The following NID2 variants were observed in gnomAD, a reference collection of about 807,000 sequenced individuals.
NID2 encodes nidogen-2.
NID2 carries 83 observed loss-of-function variants against 145.4 expected under a neutral mutation model. That is an observed-to-expected ratio of 0.57 (90% CI 0.48 to 0.69). The LOEUF is 0.69. Among genes scored for constraint, NID2 ranks in the 30% least tolerant of loss-of-function variants. The pLI is 0.00. For missense variants in NID2, 1,807 were observed against 1,765.7 expected (o/e 1.02, Z -0.42); for synonymous variants, 739 against 701.3 (o/e 1.05, Z -0.85).
At chr14:52,062,547 T>A (rs1893049257) in intron 2 of NID2, among the ~76,000 whole-genome samples, 1 of 152,046 alleles carries the variant, frequency 6.6e-6, no homozygotes. Context: ...AAAAATCAAC[T>A]AGGGAAAGAA....
chr14:52,050,150 G>A (rs943791193), intron 5 of NID2, among the ~76,000 whole-genome samples: 1 of 152,164 alleles, frequency 6.6e-6, no homozygotes, highest in African/African-American at 2.4e-5. Context: ...CACTGCCTCA[G>A]CAGGCTTAAG....
At chr14:52,039,840 C>T (rs1366511435) in intron 8 of NID2, among the ~76,000 whole-genome samples, 1 of 152,208 alleles carries the variant, frequency 6.6e-6, no homozygotes, top group African/African-American at 2.4e-5. Flanking sequence ...TATTAAGAGG[C>T]CTTTCCCTAT....
At chr14:52,011,352 C>G (rs903073563) in intron 17 of NID2, among the ~76,000 whole-genome samples, 1 of 152,116 alleles carries the variant, frequency 6.6e-6, no homozygotes, top group Non-Finnish European at 1.5e-5. Context: ...GAAGTGCGCA[C>G]AGTAGGAATC....
chr14:52,015,314 A>T, intron 14 of NID2, 39 bp from the exon 15 acceptor site: 1 of 1,564,348 alleles, frequency 6.4e-7, no homozygotes, highest in Non-Finnish European at 8.7e-7. Flanking sequence ...AAAACCTTTG[A>T]TTGTGAGTCA....
In NID2 at chr14:52,019,248, G is replaced by A; in HGVS notation, c.2841C>T (p.Ala947=). ...CCCCAGGGTAGGCATACTGGGCCTG[G>A]GCATGGCGCTGCTGTTGTTCACAGG... The part of the protein sequence containing the change: ...LTPCEQQQRH[A]QAQYAYPGAR... The change falls in exon 14 of 22, where the codon GCC becomes GCT. Residue 947 remains alanine, a synonymous_variant. Transcript: ENST00000216286. 2 of 1,608,470 alleles carry A rather than the reference G, an allele frequency of 1.2e-6. No homozygotes were observed. Among genetic ancestry groups the A allele is most frequent in the Non-Finnish European group, 1.7e-6 (2 of 1,175,308 alleles).
chr14:52,055,910 C>T (rs1892828134), intron 3 of NID2, among the ~76,000 whole-genome samples: 1 of 150,154 alleles, frequency 6.7e-6, no homozygotes, highest in South Asian at 2.1e-4. Context: ...TTTTTCAGTA[C>T]AATTTGAAAA....
At position 52,011,668 on chromosome 14, in the gene NID2, C is replaced by G; in HGVS notation, c.3436G>C (p.Gly1146Arg). ...LLSLHGSIIVGIDYDCRERMV... is the reference protein window; with the variant it reads ...LLSLHGSIIVRIDYDCRERMV... Reference sequence around the variant, plus strand: ...CTCTCCCGGCAGTCGTAATCAATTCCCACGATTATGGAGCCCTTTGTGCAT... The same window carrying G: ...CTCTCCCGGCAGTCGTAATCAATTCGCACGATTATGGAGCCCTTTGTGCAT... The change falls in exon 17 of 22, where the codon GGA becomes CGA. Residue 1146 changes from glycine to arginine, a missense_variant. By Grantham distance (125) the Gly-to-Arg change is moderately radical. Coordinates refer to ENST00000216286, the MANE Select transcript of NID2 (RefSeq NM_007361.4). 1 of 1,614,156 alleles carries G rather than the reference C, an allele frequency of 6.2e-7. No individual in the cohort carries two copies. Among genetic ancestry groups the G allele is most frequent in the South Asian group, 1.1e-5 (1 of 91,080 alleles).
At chr14:52,066,948 G>A (rs952968314) in intron 2 of NID2, among the ~76,000 whole-genome samples, 4 of 152,126 alleles carry the variant, frequency 2.6e-5, no homozygotes, top group East Asian at 3.9e-4. Context: ...TTTACTTTCC[G>A]CAGGTAGAGA....
chr14:52,029,607 C>T lies in NID2; in HGVS notation c.2341G>A (p.Gly781Ser). ...DTTARCHPGT[G>S]VDYTCECASG... ...GCGCACTCACAGGTGTAATCTACAC[C>T]TGTCCCTGGATGGCACCGTGCTGTT... Residue 781 changes from glycine (G) to serine (S), a missense_variant, in exon 10 of 22, where the codon GGT (glycine) becomes AGT (serine). Gly to Ser is a moderately conservative substitution (Grantham distance 56). Transcript: ENST00000216286. 1 of 1,614,166 alleles carries T rather than the reference C, an allele frequency of 6.2e-7. No homozygotes were observed.
At position 52,005,402 on chromosome 14, in the gene NID2, T is replaced by C. The variant is rs1358869765; in HGVS notation, c.*84A>G. ...GAACGTCTAATGGCCAATTCCTTTTTTACTTTCTTTGCCTTTGCAGTCACT... is the reference window on the plus strand; with the variant it reads ...GAACGTCTAATGGCCAATTCCTTTTCTACTTTCTTTGCCTTTGCAGTCACT... On this transcript the variant is annotated 3_prime_UTR_variant, in exon 22 of 22. Transcript: ENST00000216286. 5 of 1,360,232 alleles carry C rather than the reference T, an allele frequency of 3.7e-6. No individual in the cohort carries two copies. The highest frequency in any genetic ancestry group is 5.0e-5 in the Admixed American group (2 of 40,086). 84.3% of individuals were successfully genotyped at this position (1,360,232 alleles called of 1,614,324 possible).
At chr14:52,048,728 C>T (rs1337487071) in intron 5 of NID2, among the ~76,000 whole-genome samples, 4 of 152,180 alleles carry the variant, frequency 2.6e-5, no homozygotes, top group South Asian at 4.2e-4. Context: ...CAGGGTCAGA[C>T]AAGAGGGTGA....
At position 52,068,928 on chromosome 14, in the gene NID2, ACGG is replaced by A. The variant is rs748077936; in HGVS notation, c.64_66del (p.Pro22del). 1 of 1,613,854 alleles carries A rather than the reference ACGG, an allele frequency of 6.2e-7. No individual in the cohort carries two copies. Among genetic ancestry groups the A allele is most frequent in the Admixed American group, 1.7e-5 (1 of 60,026 alleles). ...AGCGCCGCGGCCCGCAACATTAGCA[ACGG>A]CAGCAGCAGTAGCACTGGTAACGAC... On this transcript the variant is annotated inframe_deletion, in exon 1 of 22. Coordinates refer to ENST00000216286, the MANE Select transcript of NID2 (RefSeq NM_007361.4).
At chr14:52,014,241 G>A in intron 16 of NID2, 46 bp downstream of exon 16, 3 of 1,613,024 alleles carry the variant, frequency 1.9e-6, no homozygotes, top group Middle Eastern at 3.3e-4. Context: ...GGCTCCCACT[G>A]GGAAAGCCAC....
chr14:52,047,156 C>T (rs1892530108), intron 5 of NID2, among the ~76,000 whole-genome samples: 1 of 152,184 alleles, frequency 6.6e-6, no homozygotes. Context: ...CATCCTGAAG[C>T]TTACATTCTC....
At chr14:52,068,311 G>T in intron 1 of NID2, 148 bp from the exon 2 acceptor site, 1 of 818,788 alleles carries the variant, frequency 1.2e-6, no homozygotes, top group Non-Finnish European at 2.0e-6. Flanking sequence ...GGAAACAAGC[G>T]CAACTTTTGC....
At chr14:52,065,502 ATTTATTTATTT>A (rs1893167150) in intron 2 of NID2, among the ~76,000 whole-genome samples, 1 of 83,942 alleles carries the variant, frequency 1.2e-5, no homozygotes, top group African/African-American at 4.7e-5. Context: ...TTATTTATTT[ATTTATTTATTT>A]TTTATTATAC....
chr14:52,031,396 TTCA>T (rs1218217514), intron 9 of NID2, among the ~76,000 whole-genome samples: 1 of 152,180 alleles, frequency 6.6e-6, no homozygotes, highest in Non-Finnish European at 1.5e-5. Flanking sequence ...GGGGCCACTG[TTCA>T]TCATTATTTG....
At chr14:52,048,594 G>C (rs1403314809) in intron 5 of NID2, among the ~76,000 whole-genome samples, 1 of 152,040 alleles carries the variant, frequency 6.6e-6, no homozygotes, top group Admixed American at 6.5e-5. Flanking sequence ...TCCTATTCTA[G>C]TTAGAAGATA....
At chr14:52,068,532 T>C (rs1405396856) in intron 1 of NID2, among the ~76,000 whole-genome samples, 1 of 152,222 alleles carries the variant, frequency 6.6e-6, no homozygotes, top group Non-Finnish European at 1.5e-5. Context: ...CCACCTTTTC[T>C]GCCTGGGACG....
Sources: allele counts gnomAD v4.1 joint callset (sites outside exome capture counted in the v4.1 genomes callset), GRCh38; gene constraint gnomAD v4.1.1; transcripts MANE v1.5; gene names NCBI Gene and HGNC (gene_info 2026-07-23, HGNC 2026-07-21).